BMX: variants seen among roughly 807,000 people sequenced by gnomAD.
BMX encodes BMX non-receptor tyrosine kinase.
BMX carries 31 observed loss-of-function variants against 59.2 expected under a neutral mutation model. The observed-to-expected ratio is 0.52, with a 90% confidence interval of 0.39 to 0.71. The LOEUF is 0.71. Ranked by LOEUF, BMX falls within the 30% of genes least tolerant of loss-of-function variation. BMX has a pLI of 0.00. For synonymous variants in BMX, 185 were observed against 181.0 expected (o/e 1.02, Z -0.18); for missense variants, 474 against 491.7 (o/e 0.96, Z 0.34).
chrX:15,540,865 A>C (rs1280426068), intron 14 of BMX, among the ~76,000 whole-genome samples: 1 of 111,354 alleles, frequency 9.0e-6, no homozygotes, highest in Non-Finnish European at 1.9e-5. Flanking sequence ...TAGAACAGAA[A>C]AGAAAGAGTA....
At chrX:15,542,768 T>C (rs1925757100) in intron 15 of BMX, among the ~76,000 whole-genome samples, 1 of 111,924 alleles carries the variant, frequency 8.9e-6, no homozygotes, top group South Asian at 3.7e-4. Flanking sequence ...CGGTATCTGG[T>C]GGTGGAAAGG....
chrX:15,514,870 G>T (rs922256507), intron 4 of BMX, among the ~76,000 whole-genome samples: 5 of 110,870 alleles, frequency 4.5e-5, no homozygotes, highest in Non-Finnish European at 9.4e-5. Context: ...ATTTTGAATT[G>T]GATCCTTGAT....
chrX:15,515,888 T>C (rs1341592282), intron 4 of BMX, among the ~76,000 whole-genome samples: 2 of 112,482 alleles, frequency 1.8e-5, no homozygotes, highest in Non-Finnish European at 3.8e-5. Flanking sequence ...AAATGATATG[T>C]AATTGTGTTG....
intron 18 of BMX, 87 bp from the exon 19 acceptor site, chrX:15,555,986 G>T: frequency 1.1e-6 from 1 of 925,776 alleles, no homozygotes. Flanking sequence ...CTAGCTTTAG[G>T]ACTTAGATGT....
intron 13 of BMX, 96 bp from the exon 14 acceptor site, chrX:15,537,038 C>A: frequency 1.1e-6 from 1 of 897,591 alleles, no homozygotes; most frequent in Non-Finnish European, 1.6e-6. Flanking sequence ...TATATTGTCA[C>A]TGTGAAACTC....
chrX:15,527,672 C>T (rs1345584690), intron 9 of BMX, among the ~76,000 whole-genome samples: 5 of 111,416 alleles, frequency 4.5e-5, no homozygotes, highest in Non-Finnish European at 7.5e-5. Flanking sequence ...ACATGTGAAA[C>T]GAGAGCTTTT....
At position 15,542,053 on chromosome X, in the gene BMX, C is replaced by T. The variant is rs767025241; in HGVS notation, c.1466C>T (p.Thr489Ile). The T allele has an allele frequency of 8.3e-7, 1 of 1,210,923 alleles. No homozygotes were observed. Among genetic ancestry groups the T allele is most frequent in the Non-Finnish European group, 1.1e-6 (1 of 895,059 alleles). Residue 489 changes from threonine (T) to isoleucine (I), a missense_variant, in exon 15 of 19, where the codon ACT becomes ATT. Coordinates refer to ENST00000348343, the MANE Select transcript of BMX (RefSeq NM_203281.3). ...AAGGAATACCCCATATACATAGTGACTGAATATATAAGCAATGGCTGCTTG... is the reference window on the plus strand; with the variant it reads ...AAGGAATACCCCATATACATAGTGATTGAATATATAAGCAATGGCTGCTTG... ...CSKEYPIYIV[T>I]EYISNGCLLN... is the part of the protein sequence containing the mutation.
Position 15,522,428 on chromosome X carries a change from C to T in BMX, c.593C>T (p.Ser198Leu), listed in dbSNP as rs1924506588. ...ACTCTAGCCCAATATGACAACGAAT[C>T]AAAGAAAAACTATGGCTCCCAGCCA... ...STTLAQYDNE[S>L]KKNYGSQPPS... Residue 198 changes from serine to leucine, a missense_variant, in exon 7 of 19, where the codon TCA (serine) becomes TTA (leucine). Physicochemically the swap from Ser to Leu is moderately radical, Grantham distance 145. Transcript: ENST00000348343. 8.3e-7 allele frequency: 1 copy of T among 1,210,616 alleles called. No homozygotes were observed. Among genetic ancestry groups the T allele is most frequent in the African/African-American group, 1.7e-5 (1 of 57,324 alleles).
In BMX at chrX:15,500,953, G is replaced by A. The variant is rs1923549657; in HGVS notation, c.-10+13G>A. ...ACAAGCTGAGACGGTGCGTTTAAGC[G>A]GCAGGTGGCTACTCAGTGTCGCATA... On this transcript the variant is annotated intron_variant, in intron 1 of 18. Transcript: ENST00000348343. 1.3e-6 allele frequency: 1 copy of A among 752,714 alleles called. No homozygotes were observed. The highest frequency in any genetic ancestry group is 8.8e-5 in the Admixed American group (1 of 11,385). 62.0% of individuals were successfully genotyped at this position (752,714 alleles called of 1,213,427 possible). A position where few individuals can be genotyped will look rare whatever the true frequency, so the allele number is the denominator to read the frequency against.
chrX:15,526,928 G>C (rs1343342222), intron 9 of BMX, among the ~76,000 whole-genome samples: 1 of 109,441 alleles, frequency 9.1e-6, no homozygotes, highest in Non-Finnish European at 1.9e-5. Flanking sequence ...TTTAGAAAGA[G>C]AAAAAGTGCA....
intron 6 of BMX, among the ~76,000 whole-genome samples, chrX:15,520,650 T>C (rs1924402115): frequency 1.8e-5 from 2 of 111,692 alleles, no homozygotes; most frequent in Admixed American, 9.5e-5. Flanking sequence ...TGGCTAAGGG[T>C]TCATAAGCCT....
At chrX:15,521,624 C>T (rs1924459445) in intron 6 of BMX, among the ~76,000 whole-genome samples, 1 of 111,352 alleles carries the variant, frequency 9.0e-6, no homozygotes. Flanking sequence ...TTTATTGGTT[C>T]CTGGCTCCTT....
At chrX:15,540,756 C>CT (rs1237186567) in intron 14 of BMX, among the ~76,000 whole-genome samples, 1 of 111,462 alleles carries the variant, frequency 9.0e-6, no homozygotes, top group Non-Finnish European at 1.9e-5. Context: ...CACTACTGCA[C>CT]TGTTTGTTTG....
chrX:15,550,469 C>G (rs1227535313), intron 18 of BMX, among the ~76,000 whole-genome samples: 2 of 110,790 alleles, frequency 1.8e-5, no homozygotes, highest in African/African-American at 6.6e-5. Context: ...ACTATCCCAT[C>G]TTCTCTCCCC....
intron 6 of BMX, among the ~76,000 whole-genome samples, chrX:15,519,463 C>T (rs780727768): frequency 1.8e-5 from 2 of 111,122 alleles, no homozygotes; most frequent in Admixed American, 1.9e-4. Context: ...TGAAATCACA[C>T]GAAAGATGAG....
chrX:15,550,632 C>T (rs112624519), intron 18 of BMX, among the ~76,000 whole-genome samples: 1,732 of 104,835 alleles, frequency 0.017, 40 homozygotes, highest in African/African-American at 0.056. Context: ...AAGTATGAGG[C>T]TCCATTTGTG....
chrX:15,516,689 T>C (rs1486738304), intron 5 of BMX, among the ~76,000 whole-genome samples: 1 of 109,318 alleles, frequency 9.1e-6, no homozygotes, highest in African/African-American at 3.3e-5. Flanking sequence ...AAAAAAAAGA[T>C]ATAACTTAAG....
chrX:15,548,681 A>C (rs1313524206), intron 17 of BMX, among the ~76,000 whole-genome samples: 1 of 111,819 alleles, frequency 8.9e-6, no homozygotes, highest in Non-Finnish European at 1.9e-5. Context: ...CCCAAAATGA[A>C]TCAGGGCCTC....
In BMX at chrX:15,542,977, T is replaced by G. The variant is rs181793888; in HGVS notation, c.1612-94T>G. 444 of 863,756 alleles carry G rather than the reference T, an allele frequency of 5.1e-4. No homozygotes were observed. The African/African-American group carries it at 7.6e-3, about 15-fold the overall frequency. The allele number at this position is 863,756 out of a possible 1,213,427, so 71.2% of individuals were successfully genotyped here. On this transcript the variant is annotated intron_variant, in intron 15 of 18. Coordinates refer to ENST00000348343, the MANE Select transcript of BMX (RefSeq NM_203281.3). ...CACTTGGGGGTTGTGCTAGGTAATC[T>G]TAGATTTTGCTGAGAATTCTACTCA...
Sources: gnomAD v4.1 joint callset for allele counts (sites outside exome capture counted in the v4.1 genomes callset) on GRCh38, gnomAD v4.1.1 for gene constraint, MANE v1.5 for transcripts, NCBI Gene and HGNC (gene_info 2026-07-23, HGNC 2026-07-21) for gene names.